CHCHD6: variants seen among roughly 807,000 people sequenced by gnomAD.
CHCHD6 encodes coiled-coil-helix-coiled-coil-helix domain containing 6.
Under a neutral mutation model 32.3 loss-of-function variants are expected in CHCHD6, and 28 were observed. The observed-to-expected ratio is 0.87, with a 90% CI of 0.64 to 1.19. The LOEUF is 1.19. CHCHD6 is among the 50% of genes most tolerant of loss of function. The pLI is 0.00. For missense variants in CHCHD6, 333 were observed against 307.0 expected, an observed-to-expected ratio of 1.08 and a Z score of -0.63; for synonymous variants, 122 against 117.5, an observed-to-expected ratio of 1.04 and a Z score of -0.25.
intron 4 of CHCHD6, among the ~76,000 whole-genome samples, chr3:126,784,483 T>C (rs1338281779): frequency 6.6e-6 from 1 of 152,164 alleles, no homozygotes; most frequent in Non-Finnish European, 1.5e-5. Context: ...TTGCTGCTGC[T>C]TTCTGCCCCC....
chr3:126,784,690 TGCC>T (rs1938115815), intron 4 of CHCHD6, among the ~76,000 whole-genome samples: 2 of 152,158 alleles, frequency 1.3e-5, no homozygotes, highest in Non-Finnish European at 1.5e-5. Flanking sequence ...CAGATACCAC[TGCC>T]TCTCAGTTCA....
chr3:126,775,325 T>G (rs907265370), intron 4 of CHCHD6, among the ~76,000 whole-genome samples: 8 of 152,200 alleles, frequency 5.3e-5, no homozygotes, highest in Non-Finnish European at 1.2e-4. Context: ...TAATTTTTGT[T>G]TCTTTGGTTT....
chr3:126,730,523 G>T, intron 2 of CHCHD6, 38 bp from the exon 3 acceptor site: 3 of 1,583,444 alleles, frequency 1.9e-6, no homozygotes, highest in Non-Finnish European at 2.6e-6. Context: ...GGACCCTGGG[G>T]TGCCACTGAC....
At chr3:126,939,577 T>G (rs1202566632) in intron 6 of CHCHD6, among the ~76,000 whole-genome samples, 2 of 152,208 alleles carry the variant, frequency 1.3e-5, no homozygotes, top group Non-Finnish European at 2.9e-5. Context: ...GTAGATGGCG[T>G]CTGCCATGCA....
intron 5 of CHCHD6, among the ~76,000 whole-genome samples, chr3:126,879,676 T>G (rs1394136159): frequency 6.6e-6 from 1 of 152,194 alleles, no homozygotes; most frequent in Non-Finnish European, 1.5e-5. Flanking sequence ...GCATCATTAC[T>G]GGGGTAATTG....
At chr3:126,789,490 A>G (rs974539241) in intron 4 of CHCHD6, among the ~76,000 whole-genome samples, 4 of 152,156 alleles carry the variant, frequency 2.6e-5, no homozygotes, top group African/African-American at 7.2e-5. Context: ...GCCTTGCTTT[A>G]TGAATCTGGG....
chr3:126,813,829 C>G (rs1255432057), intron 4 of CHCHD6, among the ~76,000 whole-genome samples: 1 of 152,164 alleles, frequency 6.6e-6, no homozygotes, highest in Non-Finnish European at 1.5e-5. Flanking sequence ...AGGGTATTGC[C>G]TAGAGTGAAC....
chr3:126,899,814 G>A (rs1421762829), intron 5 of CHCHD6, among the ~76,000 whole-genome samples: 3 of 152,206 alleles, frequency 2.0e-5, no homozygotes, highest in African/African-American at 7.2e-5. Context: ...AACCTTACCT[G>A]AAGAAGGCAG....
At chr3:126,924,564 C>T (rs2078296933) in intron 6 of CHCHD6, among the ~76,000 whole-genome samples, 1 of 152,200 alleles carries the variant, frequency 6.6e-6, no homozygotes, top group Non-Finnish European at 1.5e-5. Flanking sequence ...CCCCATGAGA[C>T]AGGCACTGTC....
At chr3:126,766,531 A>C in intron 4 of CHCHD6, 1 of 874,960 alleles carries the variant, frequency 1.1e-6, no homozygotes, top group Non-Finnish European at 1.9e-6. Flanking sequence ...TGAGTAGCCC[A>C]TGGTGACCTC....
Position 126,936,107 on chromosome 3 carries a change from C to A in CHCHD6, c.567-21309C>A, listed in dbSNP as rs1408937388. ...CAGGTGCCTGCATCTGGGAAGCCAG[C>A]TTGTGCTGTGAAATTCCCACAACCT... On this transcript the variant is annotated intron_variant, in intron 6 of 7. Transcript: ENST00000290913. Among the ~76,000 whole-genome samples, 4 of 152,256 alleles carry A rather than the reference C, an allele frequency of 2.6e-5. No individual in the cohort carries two copies. The East Asian group carries it at 7.7e-4, about 29-fold the overall frequency.
chr3:126,912,201 C>T (rs941085732), intron 5 of CHCHD6, among the ~76,000 whole-genome samples: 1 of 152,188 alleles, frequency 6.6e-6, no homozygotes, highest in Non-Finnish European at 1.5e-5. Context: ...GTGGTCCATG[C>T]CATCTCCTGA....
At chr3:126,936,492 T>G (rs2078482110) in intron 6 of CHCHD6, among the ~76,000 whole-genome samples, 1 of 152,182 alleles carries the variant, frequency 6.6e-6, no homozygotes, top group Non-Finnish European at 1.5e-5. Flanking sequence ...CTCCTATAAT[T>G]TTTTATATTG....
rs900172623 is a variant in CHCHD6, at chr3:126,960,130, C to G, written c.703-66C>G. On this transcript the variant is annotated intron_variant, in intron 7 of 7. Coordinates refer to ENST00000290913, the MANE Select transcript of CHCHD6 (RefSeq NM_032343.3). ...GAAGCGGTTGCTGTCACAGGGCGAT[C>G]TGCACGGAGCTGGAGGGCATGGGCG... 4 of 1,548,352 alleles carry G rather than the reference C, an allele frequency of 2.6e-6. No homozygotes were observed. The African/African-American group carries it at 4.1e-5, about 16-fold the overall frequency.
intron 5 of CHCHD6, among the ~76,000 whole-genome samples, chr3:126,863,231 C>A (rs1942026439): frequency 1.4e-5 from 2 of 143,192 alleles, no homozygotes; most frequent in Non-Finnish European, 1.5e-5. Context: ...ACCACCTCCC[C>A]CTCCTCCACC....
chr3:126,882,477 C>A (rs1425220995), intron 5 of CHCHD6, among the ~76,000 whole-genome samples: 2 of 152,206 alleles, frequency 1.3e-5, no homozygotes, highest in Non-Finnish European at 2.9e-5. Flanking sequence ...CTGTCTCTGG[C>A]CTCAACTCCA....
At chr3:126,783,165 A>G (rs190159917) in intron 4 of CHCHD6, among the ~76,000 whole-genome samples, 55 of 152,338 alleles carry the variant, frequency 3.6e-4, no homozygotes, top group Admixed American at 2.6e-3. Context: ...GAGATCATGT[A>G]GCATTTGTCT....
intron 5 of CHCHD6, among the ~76,000 whole-genome samples, chr3:126,880,673 G>A (rs2077596607): frequency 6.6e-6 from 1 of 151,042 alleles, no homozygotes; most frequent in Non-Finnish European, 1.5e-5. Flanking sequence ...AGAGAAATCA[G>A]TTATTTAAGG....
chr3:126,781,981 A>AGAT (rs1937965435), intron 4 of CHCHD6, among the ~76,000 whole-genome samples: 1 of 152,176 alleles, frequency 6.6e-6, no homozygotes, highest in Admixed American at 6.5e-5. Context: ...AATGAGAAAC[A>AGAT]GATGTAAGAT....
Sources: gnomAD v4.1 joint callset for allele counts (sites outside exome capture counted in the v4.1 genomes callset) on GRCh38, gnomAD v4.1.1 for gene constraint, MANE v1.5 for transcripts, NCBI Gene and HGNC (gene_info 2026-07-23, HGNC 2026-07-21) for gene names.